SLC15A2: variants seen among roughly 807,000 people sequenced by gnomAD.
SLC15A2 encodes the protein solute carrier family 15 member 2.
In SLC15A2, 77 loss-of-function variants were observed where a neutral mutation model predicts 95.5. The ratio of observed to expected loss-of-function variants is 0.81; its 90% CI spans 0.67 to 0.97. SLC15A2 has a LOEUF of 0.97. Ranked by LOEUF, SLC15A2 falls within the 50% of genes least tolerant of loss-of-function variation. The pLI is 0.00. For missense variants in SLC15A2, 893 were observed against 874.4 expected (o/e 1.02, Z -0.27); for synonymous variants, 306 against 306.9 (o/e 1.00, Z 0.03).
At chr3:121,902,196 T>C (rs1709533573) in intron 3 of SLC15A2, among the ~76,000 whole-genome samples, 1 of 152,154 alleles carries the variant, frequency 6.6e-6, no homozygotes, top group South Asian at 2.1e-4. Flanking sequence ...GGATGCTATT[T>C]GTAGTGTCAA....
Position 121,924,392 on chromosome 3 carries a change from C to T in SLC15A2, c.1035+9C>T, listed in dbSNP as rs1710070029. ...AGCCGGACCAGATGCAGGTATGTGACTCTTCTATAGCCATGGGGACTTATT... is the reference window on the plus strand; with the variant it reads ...AGCCGGACCAGATGCAGGTATGTGATTCTTCTATAGCCATGGGGACTTATT... On this transcript the variant is annotated intron_variant, in intron 12 of 21. Coordinates refer to ENST00000489711, the MANE Select transcript of SLC15A2 (RefSeq NM_021082.4). The T allele has an allele frequency of 1.9e-6, 3 of 1,611,806 alleles. No individual in the cohort carries two copies. Among genetic ancestry groups the T allele is most frequent in the African/African-American group, 2.7e-5 (2 of 74,782 alleles).
Position 121,908,012 on chromosome 3 carries a change from T to C in SLC15A2, c.336-3562T>C, listed in dbSNP as rs150772725. On this transcript the variant is annotated intron_variant, in intron 3 of 21. Transcript: ENST00000489711. ...GTGGGGTCTACAGAGGCAGCAGGCCTTGCAGAGCTGCAGTGGGCTCTGCCC... is the reference window on the plus strand; with the variant it reads ...GTGGGGTCTACAGAGGCAGCAGGCCCTGCAGAGCTGCAGTGGGCTCTGCCC... Among the ~76,000 whole-genome samples the C allele has an allele frequency of 6.5e-3, 984 of 152,378 alleles. 53 individuals are homozygous for C. In the East Asian group the frequency reaches 0.11, roughly 17 times the overall value.
intron 19 of SLC15A2, among the ~76,000 whole-genome samples, chr3:121,935,676 T>C (rs1710329094): frequency 6.6e-6 from 1 of 152,136 alleles, no homozygotes. Context: ...TTAGTCTTGC[T>C]AGCAGTCTAT....
intron 19 of SLC15A2, among the ~76,000 whole-genome samples, chr3:121,934,232 A>T (rs1012087262): frequency 2.6e-5 from 4 of 152,146 alleles, no homozygotes; most frequent in African/African-American, 7.2e-5. Flanking sequence ...CTTAGGATTG[A>T]CTTGGCAATG....
At chr3:121,913,164 C>A in intron 5 of SLC15A2, 44 bp downstream of exon 5, 1 of 1,439,918 alleles carries the variant, frequency 6.9e-7, no homozygotes, top group Non-Finnish European at 9.8e-7. Flanking sequence ...ATAGAGCCAG[C>A]ATTAATGGGG....
intron 3 of SLC15A2, among the ~76,000 whole-genome samples, chr3:121,902,535 A>G (rs2877569): frequency 0.45 from 68,787 of 151,288 alleles, 16,164 homozygotes; most frequent in East Asian, 0.69. Flanking sequence ...ACAGGCCCCC[A>G]TGTGTGACGT....
intron 17 of SLC15A2, among the ~76,000 whole-genome samples, chr3:121,929,728 A>G (rs1187049609): frequency 6.6e-6 from 1 of 152,190 alleles, no homozygotes; most frequent in Admixed American, 6.5e-5. Context: ...CTTTTAAAGT[A>G]TAGTTTTTAT....
intron 13 of SLC15A2, among the ~76,000 whole-genome samples, chr3:121,926,593 C>T (rs1280253808): frequency 6.6e-6 from 1 of 152,228 alleles, no homozygotes; most frequent in East Asian, 1.9e-4. Context: ...CAGAAACCGG[C>T]TGCAGGGGTG....
At chr3:121,918,485 A>G (rs1024740061) in intron 7 of SLC15A2, among the ~76,000 whole-genome samples, 8 of 152,204 alleles carry the variant, frequency 5.3e-5, no homozygotes, top group African/African-American at 1.9e-4. Context: ...CTATAGATAT[A>G]GATCTGGAGT....
chr3:121,936,622 T>A (rs1464723542), intron 19 of SLC15A2, among the ~76,000 whole-genome samples: 5 of 152,060 alleles, frequency 3.3e-5, no homozygotes, highest in Non-Finnish European at 5.9e-5. Context: ...GCTTGGTAGA[T>A]CTTCCTCCAC....
chr3:121,931,672 G>C lies in SLC15A2; in HGVS notation c.1698G>C (p.Lys566Asn). The C allele has an allele frequency of 1.2e-6, 2 of 1,613,498 alleles. No homozygotes were observed. The highest frequency in any genetic ancestry group is 1.7e-6 in the Non-Finnish European group (2 of 1,179,502). ...YPAVHCRTED[K>N]NFSLNLGLLD... The stretch of plus-strand genomic sequence containing the variant: ...CAGTGCACTGTAGAACAGAAGATAA[G>C]AACTTTTCTCTGAATTTGGGTCTTC... The change falls in exon 19 of 22, where the codon AAG becomes AAC. Residue 566 changes from lysine (K) to asparagine (N), a missense_variant. Lys to Asn is a moderately conservative substitution (Grantham distance 94). Transcript: ENST00000489711.
chr3:121,908,470 G>T (rs191137413), intron 3 of SLC15A2, among the ~76,000 whole-genome samples: 32 of 152,340 alleles, frequency 2.1e-4, no homozygotes, highest in Admixed American at 5.9e-4. Context: ...CATCAACTAC[G>T]CTGGGAGCTA....
chr3:121,896,482 A>G lies in SLC15A2; in HGVS notation c.182A>G (p.Tyr61Cys). Residue 61 changes from tyrosine (Y) to cysteine (C), a missense_variant, in exon 2 of 22, where the codon TAT becomes TGT. Tyr to Cys is a radical substitution (Grantham distance 194, BLOSUM62 -2). Coordinates refer to ENST00000489711, the MANE Select transcript of SLC15A2 (RefSeq NM_021082.4). ...GAATTCTGCGAGCGCTTTTCCTATTATGGAATGAAAGGTAATTTTGTGTCC... is the reference window on the plus strand; with the variant it reads ...GAATTCTGCGAGCGCTTTTCCTATTGTGGAATGAAAGGTAATTTTGTGTCC... Reference protein sequence around the residue: ...VNEFCERFSYYGMKAVLILYF... With the variant: ...VNEFCERFSYCGMKAVLILYF... 6 of 1,613,788 alleles carry G rather than the reference A, an allele frequency of 3.7e-6. No individual in the cohort carries two copies. Among genetic ancestry groups the G allele is most frequent in the Non-Finnish European group, 5.1e-6 (6 of 1,179,734 alleles).
At chr3:121,903,372 A>G (rs1250435361) in intron 3 of SLC15A2, among the ~76,000 whole-genome samples, 2 of 152,118 alleles carry the variant, frequency 1.3e-5, no homozygotes, top group Non-Finnish European at 2.9e-5. Flanking sequence ...CCATTTGTCA[A>G]TTTTGGCTTT....
At chr3:121,934,896 G>A (rs1177868176) in intron 19 of SLC15A2, among the ~76,000 whole-genome samples, 2 of 152,020 alleles carry the variant, frequency 1.3e-5, no homozygotes, top group East Asian at 3.9e-4. Flanking sequence ...TATTGGCTGT[G>A]GGTTTGTCAT....
chr3:121,931,938 C>T (rs887569335), intron 19 of SLC15A2, among the ~76,000 whole-genome samples: 4 of 152,274 alleles, frequency 2.6e-5, no homozygotes, highest in Admixed American at 6.5e-5. Context: ...TCGCTCTCAT[C>T]GCGCAGGCTG....
Position 121,897,493 on chromosome 3 carries a change from G to A in SLC15A2, c.299G>A (p.Gly100Glu). Residue 100 changes from glycine (G) to glutamate (E), a missense_variant, in exon 3 of 22, where the codon GGA becomes GAA. By Grantham distance (98) the Gly-to-Glu change is moderately conservative. Coordinates refer to ENST00000489711, the MANE Select transcript of SLC15A2 (RefSeq NM_021082.4). ...SSLCYFTPILGAAIADSWLGK... is the reference protein window; with the variant it reads ...SSLCYFTPILEAAIADSWLGK... ...CTCTGTTATTTTACTCCCATCCTGG[G>A]AGCAGCCATTGCTGACTCGTGGTTG... is the stretch of plus-strand genomic sequence containing the variant. 1 of 1,613,930 alleles carries A rather than the reference G, an allele frequency of 6.2e-7. No homozygotes were observed. Among genetic ancestry groups the A allele is most frequent in the East Asian group, 2.2e-5 (1 of 44,842 alleles).
At chr3:121,932,558 C>A (rs1469187830) in intron 19 of SLC15A2, among the ~76,000 whole-genome samples, 2 of 152,044 alleles carry the variant, frequency 1.3e-5, no homozygotes, top group Non-Finnish European at 2.9e-5. Flanking sequence ...GCAGTCAGGG[C>A]AGAGTAACTG....
intron 13 of SLC15A2, among the ~76,000 whole-genome samples, chr3:121,927,355 A>T (rs1474365674): frequency 6.6e-6 from 1 of 152,186 alleles, no homozygotes; most frequent in Non-Finnish European, 1.5e-5. Flanking sequence ...CATGGGAGTG[A>T]ATTCTCATGA....
Sources: allele counts gnomAD v4.1 joint callset (sites outside exome capture counted in the v4.1 genomes callset), GRCh38; gene constraint gnomAD v4.1.1; transcripts MANE v1.5; gene names NCBI Gene and HGNC (gene_info 2026-07-23, HGNC 2026-07-21).